The following WASF3 variants were observed in gnomAD, a reference collection of about 807,000 sequenced individuals.
The protein encoded by WASF3 is WASP family member 3, also known as actin-binding protein WASF3.
Under a neutral mutation model 46.6 loss-of-function variants are expected in WASF3, and 11 were observed. The ratio of observed to expected loss-of-function variants is 0.24; its 90% CI spans 0.15 to 0.39. The LOEUF is 0.39. Among genes scored for constraint, WASF3 ranks in the 10% least tolerant of loss-of-function variants. The pLI is 1.00. For missense variants in WASF3, 576 were observed against 669.8 expected (o/e 0.86, Z 1.55); for synonymous variants, 242 against 259.7 (o/e 0.93, Z 0.65).
intron 2 of WASF3, among the ~76,000 whole-genome samples, chr13:26,621,592 C>G (rs1476002074): frequency 6.6e-6 from 1 of 152,166 alleles, no homozygotes; most frequent in African/African-American, 2.4e-5. Context: ...CTGTACCTCT[C>G]TGTCTCCCAT....
At chr13:26,616,667 T>G (rs1008590923) in intron 2 of WASF3, among the ~76,000 whole-genome samples, 11 of 152,300 alleles carry the variant, frequency 7.2e-5, no homozygotes, top group African/African-American at 2.4e-4. Context: ...TCATCTTCCT[T>G]TTCTTCCATT....
chr13:26,612,226 T>A (rs536339770), intron 1 of WASF3, among the ~76,000 whole-genome samples: 17 of 152,380 alleles, frequency 1.1e-4, no homozygotes, highest in African/African-American at 3.6e-4. Flanking sequence ...GGCTGACTTC[T>A]ACAAGATGCT....
In WASF3 at chr13:26,688,399, G is replaced by C. The variant is rs559580063; in HGVS notation, c.*2554G>C. 6.6e-6 allele frequency: 1 copy of C among 152,024 alleles called. No homozygotes were observed. Among genetic ancestry groups the C allele is most frequent in the Non-Finnish European group, 1.5e-5 (1 of 68,018 alleles). 9.4% of individuals were successfully genotyped at this position (152,024 alleles called of 1,614,324 possible). A position where few individuals can be genotyped will look rare whatever the true frequency, so the allele number is the denominator to read the frequency against. ...ATTGTCCCTCGTATTATTTCTCCAC[G>C]TCTGTTTTAGTTTAATGTCTCCTAA... On this transcript the variant is annotated 3_prime_UTR_variant, in exon 10 of 10. Coordinates refer to ENST00000335327, the MANE Select transcript of WASF3 (RefSeq NM_006646.6).
intron 3 of WASF3, among the ~76,000 whole-genome samples, chr13:26,658,854 A>C (rs985566341): frequency 4.6e-5 from 7 of 152,202 alleles, no homozygotes; most frequent in Non-Finnish European, 8.8e-5. Context: ...CCCAGTCTAC[A>C]TCCTGAGTTA....
At chr13:26,608,302 GGTAA>G (rs943516134) in intron 1 of WASF3, among the ~76,000 whole-genome samples, 11 of 152,026 alleles carry the variant, frequency 7.2e-5, no homozygotes, top group African/African-American at 1.7e-4. Context: ...TTAGATCTGT[GGTAA>G]GTAATTTTTG....
chr13:26,646,465 A>C (rs181363092), intron 3 of WASF3, among the ~76,000 whole-genome samples: 67 of 152,268 alleles, frequency 4.4e-4, no homozygotes, highest in Non-Finnish European at 8.8e-5. Flanking sequence ...GCCATTATTC[A>C]GTGGGTCCAA....
intron 1 of WASF3, among the ~76,000 whole-genome samples, chr13:26,581,132 A>G (rs1169574821): frequency 6.6e-6 from 1 of 151,892 alleles, no homozygotes; most frequent in Non-Finnish European, 1.5e-5. Context: ...GGGTTTTGCC[A>G]TGTTGCCCAG....
the WASF3 span, among the ~76,000 whole-genome samples, chr13:26,545,810 C>T: frequency 6.6e-6 from 1 of 152,166 alleles, no homozygotes; most frequent in African/African-American, 2.4e-5. Context: ...CACTCTGTTG[C>T]CCAAGTTCGT....
chr13:26,670,530 A>G (rs1460597812), intron 5 of WASF3, among the ~76,000 whole-genome samples: 1 of 152,192 alleles, frequency 6.6e-6, no homozygotes, highest in Non-Finnish European at 1.5e-5. Context: ...ATTCTTGTCA[A>G]GGTTAACATT....
At chr13:26,550,735 G>A in the WASF3 span, among the ~76,000 whole-genome samples, 6 of 152,092 alleles carry the variant, frequency 3.9e-5, no homozygotes, top group Admixed American at 3.3e-4. Flanking sequence ...TCAGATCCAG[G>A]CACCCTCCCC....
intron 6 of WASF3, 44 bp from the exon 7 acceptor site, chr13:26,676,505 T>G: frequency 6.3e-7 from 1 of 1,592,986 alleles, no homozygotes; most frequent in Non-Finnish European, 8.5e-7. Flanking sequence ...TGTTTTCCTT[T>G]CCCTTCTGTC....
upstream of WASF3, among the ~76,000 whole-genome samples, chr13:26,557,543 C>T (rs1879129371): frequency 6.6e-6 from 1 of 152,158 alleles, no homozygotes; most frequent in African/African-American, 2.4e-5. Context: ...TCAGCGCGCT[C>T]GCCGGCTCCC....
At chr13:26,608,948 AG>A (rs1308179916) in intron 1 of WASF3, among the ~76,000 whole-genome samples, 1 of 152,250 alleles carries the variant, frequency 6.6e-6, no homozygotes, top group East Asian at 1.9e-4. Flanking sequence ...AGAAGAACAT[AG>A]AATTTCAGCC....
At chr13:26,552,502 A>C in the WASF3 span, among the ~76,000 whole-genome samples, 1 of 152,242 alleles carries the variant, frequency 6.6e-6, no homozygotes, top group Non-Finnish European at 1.5e-5. Flanking sequence ...TGTCAAGATG[A>C]AAATAAATAC....
chr13:26,544,054 C>T, the WASF3 span, among the ~76,000 whole-genome samples: 2 of 152,086 alleles, frequency 1.3e-5, no homozygotes, highest in African/African-American at 4.8e-5. Flanking sequence ...CCCTGTTCCA[C>T]TAACATTATA....
chr13:26,643,798 T>C (rs1374632979), intron 3 of WASF3, among the ~76,000 whole-genome samples: 1 of 152,174 alleles, frequency 6.6e-6, no homozygotes, highest in Non-Finnish European at 1.5e-5. Context: ...GTGTTAGTTG[T>C]GTTTATGGTG....
intron 3 of WASF3, among the ~76,000 whole-genome samples, chr13:26,661,730 A>C (rs1231688460): frequency 6.6e-6 from 1 of 152,220 alleles, no homozygotes; most frequent in East Asian, 1.9e-4. Context: ...CCAACAGCGC[A>C]CAGGGTTCCA....
chr13:26,662,401 C>G (rs1022465166), intron 3 of WASF3, among the ~76,000 whole-genome samples: 1 of 152,200 alleles, frequency 6.6e-6, no homozygotes, highest in Admixed American at 6.5e-5. Context: ...TGGAATCCAC[C>G]TGAGTACCTA....
upstream of WASF3, among the ~76,000 whole-genome samples, chr13:26,554,084 CTTCCTTCCTTCCTTCTTTCT>C (rs1304586357): frequency 5.5e-3 from 199 of 36,082 alleles, 1 homozygote; most frequent in African/African-American, 0.019. Context: ...TCCTTCCTTC[CTTCCTTCCTTCCTTCTTTCT>C]TTCTTTCTTT....
Sources: gnomAD v4.1 joint callset for allele counts (sites outside exome capture counted in the v4.1 genomes callset) on GRCh38, gnomAD v4.1.1 for gene constraint, MANE v1.5 for transcripts, NCBI Gene and HGNC (gene_info 2026-07-23, HGNC 2026-07-21) for gene names.